The following RGS6 variants were observed in gnomAD, a reference collection of about 807,000 sequenced individuals.
The protein encoded by RGS6 is regulator of G protein signaling 6.
Under a neutral mutation model 78.5 loss-of-function variants are expected in RGS6, and 30 were observed. The ratio of observed to expected loss-of-function variants is 0.38; its 90% confidence interval spans 0.29 to 0.52. The LOEUF is 0.52. RGS6 is among the 20% of genes least tolerant of loss of function. The pLI is 0.85. For missense variants in RGS6, 495 were observed against 609.7 expected (o/e 0.81, Z 1.98); for synonymous variants, 206 against 206.0 (o/e 1.00, Z 0.00).
the RGS6 span, among the ~76,000 whole-genome samples, chr14:71,910,488 A>G: frequency 2.0e-5 from 3 of 152,204 alleles, no homozygotes; most frequent in African/African-American, 4.8e-5. Flanking sequence ...GTTCTAAGTC[A>G]CTGCTTTGAG....
At chr14:72,132,304 T>C (rs2096339987) in intron 2 of RGS6, among the ~76,000 whole-genome samples, 1 of 149,858 alleles carries the variant, frequency 6.7e-6, no homozygotes, top group South Asian at 2.1e-4. Context: ...TTAGGTGGAG[T>C]CTCACTCTGT....
chr14:72,216,365 T>A (rs1263459899), intron 2 of RGS6, among the ~76,000 whole-genome samples: 2 of 152,206 alleles, frequency 1.3e-5, no homozygotes, highest in Admixed American at 6.5e-5. Context: ...CTCAGGTGTA[T>A]TCATGCAGGC....
At chr14:72,602,954 G>GA in the RGS6 span, among the ~76,000 whole-genome samples, 6 of 152,056 alleles carry the variant, frequency 3.9e-5, no homozygotes, top group African/African-American at 1.4e-4. Flanking sequence ...AAAGAAAAAA[G>GA]AAAAAAATCA....
At chr14:72,605,774 G>T in the RGS6 span, among the ~76,000 whole-genome samples, 1 of 152,194 alleles carries the variant, frequency 6.6e-6, no homozygotes, top group South Asian at 2.1e-4. Flanking sequence ...CAAAAGCCGG[G>T]AATGGGCTAC....
rs533465473 is a variant in RGS6, at chr14:72,203,181, C to G, written c.85-148914C>G. ...TGAGCCACTGCACCCTGCCCTGATC[C>G]TGTTTTTTAGAGAAAGTAGATTGTT... On this transcript the variant is annotated intron_variant, in intron 2 of 17. Transcript: ENST00000553525. Among the ~76,000 whole-genome samples the G allele has an allele frequency of 2.4e-3, 366 of 152,210 alleles. 1 individual carries two copies. Among genetic ancestry groups the G allele is most frequent in the African/African-American group, 8.4e-3 (349 of 41,528 alleles).
At position 72,566,185 on chromosome 14, in the gene RGS6, C is replaced by T. The variant is rs2097709557; in HGVS notation, c.*3718C>T. On this transcript the variant is annotated 3_prime_UTR_variant, in exon 18 of 18. Transcript: ENST00000553525. ...GTGATAAGGCATCCCCTGGGCTAGA[C>T]CCAGGGGCCATAAAGTAGCAAAGTA... 1 of 152,152 alleles carries T rather than the reference C, an allele frequency of 6.6e-6. No individual in the cohort carries two copies. Among genetic ancestry groups the T allele is most frequent in the South Asian group, 2.1e-4 (1 of 4,828 alleles). The allele number at this position is 152,152 out of a possible 1,614,324, so 9.4% of individuals were successfully genotyped here. A position where few individuals can be genotyped will look rare whatever the true frequency, so the allele number is the denominator to read the frequency against.
intron 2 of RGS6, among the ~76,000 whole-genome samples, chr14:72,179,243 A>G (rs1017103065): frequency 6.6e-6 from 1 of 152,216 alleles, no homozygotes; most frequent in African/African-American, 2.4e-5. Context: ...GCTGAAATGC[A>G]TGCCTAATCT....
chr14:72,083,322 G>T (rs138218993), intron 2 of RGS6, among the ~76,000 whole-genome samples: 17 of 152,236 alleles, frequency 1.1e-4, no homozygotes, highest in African/African-American at 3.9e-4. Flanking sequence ...CTTTGTGCTC[G>T]CTGGGGTCCC....
chr14:72,397,866 T>G (rs949220838), intron 3 of RGS6, among the ~76,000 whole-genome samples: 1 of 152,234 alleles, frequency 6.6e-6, no homozygotes, highest in African/African-American at 2.4e-5. Flanking sequence ...TTGATTTTCG[T>G]ATGTTGAACC....
At chr14:72,424,222 C>A (rs181608045) in intron 3 of RGS6, among the ~76,000 whole-genome samples, 31 of 152,282 alleles carry the variant, frequency 2.0e-4, no homozygotes, top group African/African-American at 7.0e-4. Flanking sequence ...CTATTCCAGT[C>A]TTTGCTAGAA....
intron 2 of RGS6, among the ~76,000 whole-genome samples, chr14:72,145,563 C>A (rs1223631947): frequency 6.6e-6 from 1 of 152,198 alleles, no homozygotes; most frequent in East Asian, 1.9e-4. Context: ...ACTGCAACCT[C>A]TACCTCCTGG....
rs555624846 is a variant in RGS6, at chr14:72,021,056, C to T, written c.84+56181C>T. Among the ~76,000 whole-genome samples the T allele has an allele frequency of 3.9e-5, 6 of 152,312 alleles. No individual in the cohort carries two copies. In the South Asian group the frequency reaches 1.2e-3, roughly 32 times the overall value. ...GTCTTGCCAACTGGGACCAAGCATG[C>T]CTGGCGTGGAACAAACTCTTTCTGT... On this transcript the variant is annotated intron_variant, in intron 2 of 17. Transcript: ENST00000553525.
intron 2 of RGS6, among the ~76,000 whole-genome samples, chr14:71,986,961 G>A (rs751715702): frequency 9.2e-5 from 14 of 151,892 alleles, no homozygotes; most frequent in South Asian, 6.3e-4. Flanking sequence ...TAGGACCCCC[G>A]GTGATTACAT....
chr14:72,384,825 A>G (rs1029757491), intron 3 of RGS6, among the ~76,000 whole-genome samples: 1 of 152,102 alleles, frequency 6.6e-6, no homozygotes, highest in African/African-American at 2.4e-5. Context: ...ATCTTGTCTC[A>G]CTGCAATCTC....
Position 72,096,460 on chromosome 14 carries a change from A to G in RGS6, c.84+131585A>G, listed in dbSNP as rs187296005. 6.1e-3 allele frequency among the ~76,000 whole-genome samples: 929 copies of G among 152,278 alleles called. 6 individuals carry two copies. Among genetic ancestry groups the G allele is most frequent in the African/African-American group, 0.02 (835 of 41,554 alleles). On this transcript the variant is annotated intron_variant, in intron 2 of 17. Transcript: ENST00000553525. The stretch of plus-strand genomic sequence containing the variant: ...ACAACAAAACCTCAATTGGGCTACA[A>G]ATGTCAATATCATGTACACAGGTGG...
At chr14:72,099,617 CAGAT>C (rs2095486015) in intron 2 of RGS6, among the ~76,000 whole-genome samples, 1 of 152,146 alleles carries the variant, frequency 6.6e-6, no homozygotes, top group Non-Finnish European at 1.5e-5. Flanking sequence ...AATGAGCTCT[CAGAT>C]AGAAACACCC....
the RGS6 span, among the ~76,000 whole-genome samples, chr14:72,614,777 G>GAAAAAAAA: frequency 6.2e-5 from 6 of 96,068 alleles, no homozygotes; most frequent in African/African-American, 2.3e-4. Context: ...ACAAGCCTCA[G>GAAAAAAAA]AAAAAAAAAA....
At chr14:71,997,502 G>A (rs775897560) in intron 2 of RGS6, among the ~76,000 whole-genome samples, 2 of 152,208 alleles carry the variant, frequency 1.3e-5, no homozygotes, top group Non-Finnish European at 2.9e-5. Flanking sequence ...CATAATGCAT[G>A]TGCATTGTTC....
intron 2 of RGS6, among the ~76,000 whole-genome samples, chr14:71,973,432 C>T (rs1415937947): frequency 6.6e-6 from 1 of 151,544 alleles, no homozygotes; most frequent in Non-Finnish European, 1.5e-5. Flanking sequence ...TGCCTGTAAT[C>T]CCAGCACTTT....
Sources: allele counts gnomAD v4.1 joint callset (sites outside exome capture counted in the v4.1 genomes callset), GRCh38; gene constraint gnomAD v4.1.1; transcripts MANE v1.5; gene names NCBI Gene and HGNC (gene_info 2026-07-23, HGNC 2026-07-21).